Variants in DOCK5 observed in about 807,000 individuals in gnomAD.
The protein encoded by DOCK5 is dedicator of cytokinesis 5, also known as dedicator of cytokinesis protein 5.
DOCK5 carries 142 observed loss-of-function variants against 251.8 expected under a neutral mutation model. That is an observed-to-expected ratio of 0.56 (90% CI 0.49 to 0.65). DOCK5 has a LOEUF of 0.65. DOCK5 is among the 30% of genes least tolerant of loss of function. The pLI is 0.00. For synonymous variants in DOCK5, 842 were observed against 835.5 expected, an observed-to-expected ratio of 1.01 and a Z score of -0.13; for missense variants, 2,111 against 2,312.3, an observed-to-expected ratio of 0.91 and a Z score of 1.79.
At chr8:25,390,887 C>G (rs1357944870) in intron 42 of DOCK5, among the ~76,000 whole-genome samples, 2 of 151,994 alleles carry the variant, frequency 1.3e-5, no homozygotes, top group Admixed American at 6.6e-5. Flanking sequence ...TGGCTCACTG[C>G]AACTTCTGCC....
intron 1 of DOCK5, among the ~76,000 whole-genome samples, chr8:25,226,590 G>GTTTT (rs574512849): frequency 0.013 from 1,847 of 142,668 alleles, 57 homozygotes; most frequent in African/African-American, 0.046. Context: ...TTAATTTTAA[G>GTTTT]TTTTTTTTTT....
At chr8:25,308,359 A>G (rs187387371) in intron 11 of DOCK5, among the ~76,000 whole-genome samples, 2 of 152,228 alleles carry the variant, frequency 1.3e-5, no homozygotes, top group East Asian at 3.9e-4. Context: ...ATCCCAGCCC[A>G]TCTCTTACAG....
chr8:25,234,579 A>G (rs1802747672), intron 1 of DOCK5, among the ~76,000 whole-genome samples: 1 of 152,238 alleles, frequency 6.6e-6, no homozygotes, highest in Admixed American at 6.5e-5. Flanking sequence ...AACTATAGGC[A>G]TGAATAACAT....
At chr8:25,245,120 G>C (rs1967274) in intron 2 of DOCK5, among the ~76,000 whole-genome samples, 8,435 of 151,848 alleles carry the variant, frequency 0.056, 544 homozygotes, top group African/African-American at 0.16. Flanking sequence ...GCAGTGACAC[G>C]ATCTCAGCTC....
chr8:25,272,878 C>T (rs990323942), intron 3 of DOCK5, among the ~76,000 whole-genome samples: 5 of 152,084 alleles, frequency 3.3e-5, no homozygotes, highest in African/African-American at 9.7e-5. Flanking sequence ...CCCTATCCCC[C>T]GCAAGCCCCT....
At chr8:25,313,643 CAG>C (rs1482292018) in intron 13 of DOCK5, among the ~76,000 whole-genome samples, 1 of 152,202 alleles carries the variant, frequency 6.6e-6, no homozygotes, top group African/African-American at 2.4e-5. Flanking sequence ...CAACAAAGGA[CAG>C]GGACTGGAAA....
rs1373521194 is a variant in DOCK5 at position 25,317,017 on chromosome 8, G to A, written c.1329G>A (p.Arg443=). 11 of 1,613,736 alleles carry A rather than the reference G, an allele frequency of 6.8e-6. No homozygotes were observed. The highest frequency in any genetic ancestry group is 1.1e-5 in the South Asian group (1 of 91,074). ...FPEIILPGDV[R]NDIYVTLIHG... ...CTTATCATGTTGCAGGAGATGTTCG[G>A]AATGACATTTATGTCACCCTGATCC... The change falls in exon 14 of 52, where the codon CGG becomes CGA. Residue 443 remains arginine (R), a synonymous_variant. Coordinates refer to ENST00000276440, the MANE Select transcript of DOCK5 (RefSeq NM_024940.8).
chr8:25,259,835 A>G (rs1040891696), intron 2 of DOCK5, among the ~76,000 whole-genome samples: 19 of 152,210 alleles, frequency 1.2e-4, no homozygotes, highest in African/African-American at 4.3e-4. Flanking sequence ...TCTCAAATCC[A>G]CAAAATTGAG....
intron 40 of DOCK5, among the ~76,000 whole-genome samples, chr8:25,386,774 A>G (rs759533204): frequency 2.0e-5 from 3 of 152,284 alleles, no homozygotes; most frequent in Admixed American, 6.5e-5. Context: ...ATTCTGTGAA[A>G]TCAAGAACAC....
chr8:25,311,194 T>C (rs1219118537), intron 13 of DOCK5, among the ~76,000 whole-genome samples: 4 of 152,340 alleles, frequency 2.6e-5, no homozygotes, highest in Admixed American at 2.6e-4. Context: ...ATTGGTCCCT[T>C]GAATTTTATA....
Position 25,302,394 on chromosome 8 carries a change from A to G in DOCK5, c.916A>G (p.Met306Val), listed in dbSNP as rs1172494002. The G allele has an allele frequency of 1.2e-6, 2 of 1,607,758 alleles. No individual in the cohort carries two copies. The highest frequency in any genetic ancestry group is 1.3e-5 in the African/African-American group (1 of 74,842). The change falls in exon 10 of 52, where the codon ATG becomes GTG. Residue 306 changes from methionine (M) to valine (V), a missense_variant. Met to Val is a conservative substitution (Grantham distance 21). Coordinates refer to ENST00000276440, the MANE Select transcript of DOCK5 (RefSeq NM_024940.8). ...LVCQIVRVGH[M>V]ELKEGKKHTC... is the part of the protein sequence containing the mutation. ...GTGCCAGATTGTCCGCGTGGGCCAT[A>G]TGGAGCTGAAGGAAGGCAAGAAGCA... is the stretch of plus-strand genomic sequence containing the variant.
At chr8:25,207,407 C>A (rs1020683154) in intron 1 of DOCK5, among the ~76,000 whole-genome samples, 1 of 152,162 alleles carries the variant, frequency 6.6e-6, no homozygotes, top group African/African-American at 2.4e-5. Context: ...CTAGTACTTT[C>A]ATAGCTAGAG....
At chr8:25,361,538 C>G (rs1331891711) in intron 28 of DOCK5, among the ~76,000 whole-genome samples, 1 of 152,122 alleles carries the variant, frequency 6.6e-6, no homozygotes, top group African/African-American at 2.4e-5. Context: ...CGCTTGAACC[C>G]GTGAGGTGGA....
chr8:25,266,526 A>T (rs1803758412), intron 2 of DOCK5, among the ~76,000 whole-genome samples: 1 of 151,896 alleles, frequency 6.6e-6, no homozygotes, highest in Non-Finnish European at 1.5e-5. Flanking sequence ...ATCAAGCTAT[A>T]TTTAATTATG....
intron 2 of DOCK5, among the ~76,000 whole-genome samples, chr8:25,256,459 C>T (rs895169692): frequency 2.6e-5 from 4 of 151,584 alleles, no homozygotes; most frequent in East Asian, 1.9e-4. Context: ...GCCAACATGG[C>T]GAAAACCCGT....
At chr8:25,275,028 C>G (rs1804007463) in intron 3 of DOCK5, among the ~76,000 whole-genome samples, 2 of 152,088 alleles carry the variant, frequency 1.3e-5, no homozygotes, top group East Asian at 1.9e-4. Flanking sequence ...CATGTCACCC[C>G]TTATGTGAAA....
At chr8:25,243,553 A>T in intron 1 of DOCK5, 121 bp from the exon 2 acceptor site, 2 of 815,852 alleles carry the variant, frequency 2.5e-6, no homozygotes, top group Non-Finnish European at 3.8e-6. Context: ...CTGGTCTTGA[A>T]CTCCTGACCT....
chr8:25,348,833 G>C (rs1260242119), intron 26 of DOCK5, among the ~76,000 whole-genome samples: 1 of 145,378 alleles, frequency 6.9e-6, no homozygotes, highest in Non-Finnish European at 1.5e-5. Context: ...GCGAGACTCT[G>C]TCTCAAAAAA....
chr8:25,317,209 A>G (rs1414905177), intron 14 of DOCK5, 78 bp downstream of exon 14: 12 of 1,560,640 alleles, frequency 7.7e-6, no homozygotes, highest in South Asian at 5.9e-5. Context: ...CCGTATTTTA[A>G]TTCTTCTTTG....
Sources: gnomAD v4.1 joint callset for allele counts (sites outside exome capture counted in the v4.1 genomes callset) on GRCh38, gnomAD v4.1.1 for gene constraint, MANE v1.5 for transcripts, NCBI Gene and HGNC (gene_info 2026-07-23, HGNC 2026-07-21) for gene names.